MEX3C: variants seen among roughly 807,000 people sequenced by gnomAD.
The protein encoded by MEX3C is RNA-binding E3 ubiquitin-protein ligase MEX3C.
A neutral mutation model predicts 35.5 loss-of-function variants in MEX3C; 15 were observed. The ratio of observed to expected loss-of-function variants is 0.42; its 90% CI spans 0.28 to 0.65. The LOEUF (loss-of-function observed/expected upper bound fraction) is 0.65. Ranked by LOEUF, MEX3C falls within the 30% of genes least tolerant of loss-of-function variation. The pLI is 0.20. For missense variants in MEX3C, 711 were observed against 842.8 expected (o/e 0.84, Z 1.94); for synonymous variants, 390 against 352.8 (o/e 1.11, Z -1.18).
chr18:51,192,532 G>C (rs1028184828), intron 1 of MEX3C, among the ~76,000 whole-genome samples: 2 of 152,014 alleles, frequency 1.3e-5, no homozygotes, highest in African/African-American at 4.8e-5. Context: ...GTGCCTTGTG[G>C]GTAGTACAGA....
Position 51,177,252 on chromosome 18 carries a change from A to G in MEX3C, c.1079T>C (p.Ile360Thr). Residue 360 changes from isoleucine to threonine, a missense_variant, in exon 2 of 2, where the codon ATA (isoleucine) becomes ACA (threonine). Ile to Thr is a moderately conservative substitution (Grantham distance 89). Transcript: ENST00000406189. This position sits in a 1 kb window ranked among gnomAD's most constrained non-coding sequence, Gnocchi z 4.2. The part of the protein sequence containing the change: ...KRIQQQTHTY[I>T]VTPSRDKEPV... ...TTCCTTATCTCTGCTCGGAGTTACT[A>G]TGTAGGTGTGGGTCTGCTGCTGAAT... 6.2e-7 allele frequency: 1 copy of G among 1,613,900 alleles called. No homozygotes were observed.
At chr18:51,187,696 G>A (rs117183374) in intron 1 of MEX3C, among the ~76,000 whole-genome samples, 4,162 of 151,648 alleles carry the variant, frequency 0.027, 79 homozygotes, top group Non-Finnish European at 0.041. Flanking sequence ...CAATAAGAGC[G>A]AAACTCCGTC....
intron 1 of MEX3C, among the ~76,000 whole-genome samples, chr18:51,183,192 T>C (rs1476735469): frequency 6.6e-6 from 1 of 152,246 alleles, no homozygotes; most frequent in South Asian, 2.1e-4. Flanking sequence ...ACCAAATTTT[T>C]AAAAACCCAT....
intron 1 of MEX3C, among the ~76,000 whole-genome samples, chr18:51,191,201 G>A (rs1412938774): frequency 6.6e-6 from 1 of 152,108 alleles, no homozygotes; most frequent in Non-Finnish European, 1.5e-5. Flanking sequence ...CTCTCCTTGT[G>A]GGCACATAGT....
Position 51,196,767 on chromosome 18 carries a change from CCCGCCG to C in MEX3C, c.548_553del (p.Ala183_Ala184del), listed in dbSNP as rs530602218. 2.4e-5 allele frequency: 35 copies of C among 1,486,438 alleles called. No individual in the cohort carries two copies. The highest frequency in any genetic ancestry group is 2.0e-4 in the African/African-American group (14 of 68,854). The allele number at this position is 1,486,438 out of a possible 1,614,324, so 92.1% of individuals were successfully genotyped here. A position where few individuals can be genotyped will look rare whatever the true frequency, so the allele number is the denominator to read the frequency against. On this transcript the variant is annotated inframe_deletion, in exon 1 of 2. Coordinates refer to ENST00000406189, the MANE Select transcript of MEX3C (RefSeq NM_016626.5). ...GGCATCGTCCCCTCCGTACAGCACCCCCGCCGCCGCCGCCGCGGCCGCCGCCTCCCG... is the reference window on the plus strand; with the variant it reads ...GGCATCGTCCCCTCCGTACAGCACCCCCGCCGCCGCGGCCGCCGCCTCCCG...
At chr18:51,181,127 A>T (rs1912419504) in intron 1 of MEX3C, among the ~76,000 whole-genome samples, 1 of 152,184 alleles carries the variant, frequency 6.6e-6, no homozygotes, top group Admixed American at 6.5e-5. Flanking sequence ...AGATATTTTT[A>T]AAAATAATAG....
chr18:51,180,392 T>TTTTG (rs1384373485), intron 1 of MEX3C, among the ~76,000 whole-genome samples: 1 of 152,124 alleles, frequency 6.6e-6, no homozygotes, highest in Non-Finnish European at 1.5e-5. Flanking sequence ...AAGACAGGCC[T>TTTTG]GGTCTACACC....
intron 1 of MEX3C, among the ~76,000 whole-genome samples, chr18:51,182,281 TCCCTGTTGGATAA>T (rs1444997607): frequency 1.4e-5 from 2 of 145,738 alleles, no homozygotes; most frequent in Admixed American, 7.0e-5. Flanking sequence ...TGGGAAGGCA[TCCCTGTTGGATAA>T]GGGGGGGACT....
chr18:51,179,159 A>G (rs1397740752), intron 1 of MEX3C, among the ~76,000 whole-genome samples: 2 of 151,892 alleles, frequency 1.3e-5, no homozygotes, highest in African/African-American at 4.8e-5. Flanking sequence ...ATGCACAACC[A>G]CACCTGGATA....
rs770740617 is a variant in MEX3C at position 51,177,380 on chromosome 18, T to C, written c.951A>G (p.Leu317=). ...GACCGGGCAGATTAGGACTACATGA[T>C]AATCCTCCCAGGGCAGGCCCATTTT... ...RNKNGPALGG[L]SCSPNLPGQT... The change falls in exon 2 of 2, where the codon TTA becomes TTG. Residue 317 remains leucine, a synonymous_variant. Coordinates refer to ENST00000406189, the MANE Select transcript of MEX3C (RefSeq NM_016626.5). This position sits in a 1 kb window ranked among gnomAD's most constrained non-coding sequence, Gnocchi z 4.2. 1.2e-6 allele frequency: 2 copies of C among 1,613,906 alleles called. No homozygotes were observed. Among genetic ancestry groups the C allele is most frequent in the African/African-American group, 2.7e-5 (2 of 74,936 alleles).
intron 1 of MEX3C, 48 bp downstream of exon 1, chr18:51,196,519 C>G: frequency 1.3e-6 from 2 of 1,525,266 alleles, no homozygotes; most frequent in Non-Finnish European, 1.7e-6. Context: ...GTCTCCCCAC[C>G]CACGCCCGGG....
intron 1 of MEX3C, chr18:51,196,333 T>C: frequency 1.1e-6 from 1 of 924,546 alleles, no homozygotes; most frequent in African/African-American, 1.7e-5. Context: ...ACCACCGGAC[T>C]GGGTCGCCCG....
rs11539301 is a variant in MEX3C at position 51,177,120 on chromosome 18, T to C, written c.1211A>G (p.Glu404Gly). Residue 404 changes from glutamate (E) to glycine (G), a missense_variant, in exon 2 of 2, where the codon GAG becomes GGG. Glu to Gly is a moderately conservative substitution (Grantham distance 98, BLOSUM62 -2). Around this residue, in one of 4 missense-constraint regions of MEX3C, gnomAD observed 187 missense variants for 201.7 expected, o/e 0.93. Transcript: ENST00000406189. This position sits in a 1 kb window ranked among gnomAD's most constrained non-coding sequence, Gnocchi z 4.2. ...RTGNYIELNE[E>G]NDFHYNGTDV... ...GGTACCATTGTAATGGAAATCATTC[T>C]CTTCATTGAGCTCTATATAGTTTCC... is the stretch of plus-strand genomic sequence containing the variant. 3.1e-6 allele frequency: 5 copies of C among 1,613,926 alleles called. No individual in the cohort carries two copies. The highest frequency in any genetic ancestry group is 4.2e-6 in the Non-Finnish European group (5 of 1,179,876).
rs760284795 is a variant in MEX3C at position 51,197,031 on chromosome 18, C to A, written c.290G>T (p.Arg97Leu). The change falls in exon 1 of 2, where the codon CGG becomes CTG. Residue 97 changes from arginine (R) to leucine (L), a missense_variant. Arg to Leu is a moderately radical substitution (Grantham distance 102, BLOSUM62 -2). This residue lies in a region of MEX3C where 354 missense variants were observed against 311.6 expected (regional missense o/e 1.14). Coordinates refer to ENST00000406189, the MANE Select transcript of MEX3C (RefSeq NM_016626.5). ...LSPEERAPPGRPGAPEAAELE... is the reference protein window; with the variant it reads ...LSPEERAPPGLPGAPEAAELE... Reference sequence around the variant, plus strand: ...CTCGGCCGCCTCCGGGGCCCCGGGCCGGCCGGGCGGAGCCCGCTCCTCTGG... The same window carrying A: ...CTCGGCCGCCTCCGGGGCCCCGGGCAGGCCGGGCGGAGCCCGCTCCTCTGG... 1.6e-5 allele frequency: 24 copies of A among 1,516,312 alleles called. No homozygotes were observed. In the African/African-American group the frequency reaches 2.4e-4, roughly 15 times the overall value. 93.9% of individuals were successfully genotyped at this position (1,516,312 alleles called of 1,614,324 possible). A position where few individuals can be genotyped will look rare whatever the true frequency, so the allele number is the denominator to read the frequency against.
intron 1 of MEX3C, among the ~76,000 whole-genome samples, chr18:51,187,362 T>G (rs904096429): frequency 1.3e-5 from 2 of 152,192 alleles, no homozygotes; most frequent in African/African-American, 4.8e-5. Flanking sequence ...AAGGTCCAGT[T>G]CAAGGGAAAC....
intron 1 of MEX3C, among the ~76,000 whole-genome samples, chr18:51,185,054 ATTG>A (rs1210465807): frequency 6.6e-6 from 1 of 152,136 alleles, no homozygotes; most frequent in Non-Finnish European, 1.5e-5. Flanking sequence ...ACAAAAATTT[ATTG>A]TTTTTACATA....
At chr18:51,178,124 T>C (rs763753809) in intron 1 of MEX3C, among the ~76,000 whole-genome samples, 6 of 151,892 alleles carry the variant, frequency 4.0e-5, no homozygotes, top group Non-Finnish European at 8.8e-5. Context: ...TGTAAAGGGC[T>C]GGAATAAAAA....
intron 1 of MEX3C, among the ~76,000 whole-genome samples, chr18:51,190,079 G>A (rs1335895616): frequency 6.6e-6 from 1 of 152,076 alleles, no homozygotes; most frequent in Non-Finnish European, 1.5e-5. Flanking sequence ...TCTCAGACTT[G>A]ATCCTCACAA....
At chr18:51,196,406 C>A (rs554978820) in intron 1 of MEX3C, 161 bp downstream of exon 1, 27 of 1,394,724 alleles carry the variant, frequency 1.9e-5, no homozygotes, top group Non-Finnish European at 2.2e-5. Flanking sequence ...GCAAGGTGAC[C>A]CATCTTCACA....
Sources: gnomAD v4.1 joint callset for allele counts (sites outside exome capture counted in the v4.1 genomes callset) on GRCh38, gnomAD v4.1.1 for gene constraint, gnomAD v4.1.1 regional missense constraint, Gnocchi (gnomAD v3.1) non-coding constraint, MANE v1.5 for transcripts, NCBI Gene and HGNC (gene_info 2026-07-23, HGNC 2026-07-21) for gene names.